The following PCDHGB1 variants were observed in gnomAD, a reference collection of about 807,000 sequenced individuals.
The protein encoded by PCDHGB1 is protocadherin gamma-B1.
PCDHGB1 carries 34 observed loss-of-function variants against 56.6 expected under a neutral mutation model. That is an observed-to-expected ratio of 0.60 (90% CI 0.46 to 0.80). The LOEUF (loss-of-function observed/expected upper bound fraction) is 0.80, where lower values mean the gene tolerates loss of function less well. PCDHGB1 is among the 30% of genes least tolerant of loss of function. PCDHGB1 has a pLI of 0.00. For synonymous variants in PCDHGB1, 561 were observed against 505.9 expected, an observed-to-expected ratio of 1.11 and a Z score of -1.46; for missense variants, 1,278 against 1,204.6, an observed-to-expected ratio of 1.06 and a Z score of -0.90.
In PCDHGB1 at chr5:141,395,061, C is replaced by G. The variant is rs751602382; in HGVS notation, c.2409+42392C>G. 1.5e-5 allele frequency: 25 copies of G among 1,614,158 alleles called. No individual in the cohort carries two copies. In the African/African-American group the frequency reaches 3.2e-4, roughly 21 times the overall value. On this transcript the variant is annotated intron_variant, in intron 1 of 3. Coordinates refer to ENST00000523390, the MANE Select transcript of PCDHGB1 (RefSeq NM_018922.3). ...GGGTGTTGAGGAGGTACAGGCTTTCCTGCAGACCTATTCCCAGGAAGTCTC... is the reference window on the plus strand; with the variant it reads ...GGGTGTTGAGGAGGTACAGGCTTTCGTGCAGACCTATTCCCAGGAAGTCTC...
intron 1 of PCDHGB1, chr5:141,383,125 G>T: frequency 6.2e-7 from 1 of 1,614,062 alleles, no homozygotes. Context: ...GCAGCTTTTC[G>T]CCCTGAACCA....
intron 1 of PCDHGB1, chr5:141,364,981 C>A (rs756594174): frequency 7.2e-5 from 116 of 1,613,766 alleles, no homozygotes; most frequent in Non-Finnish European, 8.6e-5. Context: ...CTTTAGATGG[C>A]GGAGACCCGG....
intron 1 of PCDHGB1, chr5:141,403,277 C>G (rs2094385466): frequency 6.2e-7 from 1 of 1,613,750 alleles, no homozygotes; most frequent in Admixed American, 1.7e-5. Context: ...CTTTAAAGTC[C>G]TGGTTGAAGA....
intron 1 of PCDHGB1, among the ~76,000 whole-genome samples, chr5:141,359,015 T>A (rs1389251705): frequency 6.6e-6 from 1 of 152,256 alleles, no homozygotes; most frequent in African/African-American, 2.4e-5. Flanking sequence ...TTAGTGTAAT[T>A]TGATAACTGG....
intron 1 of PCDHGB1, 50 bp downstream of exon 1, chr5:141,352,719 G>T (rs1302952599): frequency 1.3e-6 from 2 of 1,536,882 alleles, no homozygotes; most frequent in Non-Finnish European, 1.8e-6. Context: ...GCCGGGCGCG[G>T]TGGCTCAAGC....
At chr5:141,354,835 T>A (rs1222871147) in intron 1 of PCDHGB1, among the ~76,000 whole-genome samples, 1 of 152,226 alleles carries the variant, frequency 6.6e-6, no homozygotes, top group Non-Finnish European at 1.5e-5. Context: ...AAGACTTGGA[T>A]CATTCTTGAA....
intron 1 of PCDHGB1, chr5:141,397,972 G>T: frequency 2.6e-6 from 3 of 1,155,564 alleles, no homozygotes; most frequent in Non-Finnish European, 3.6e-6. Flanking sequence ...ACTCCCCAGC[G>T]CCGGCCTTTA....
Position 141,491,755 on chromosome 5 carries a change from G to A in PCDHGB1, c.2410-3052G>A. On this transcript the variant is annotated intron_variant, in intron 1 of 3. Transcript: ENST00000523390. This position sits in a 1 kb window ranked among gnomAD's most constrained non-coding sequence, Gnocchi z 6.9. Reference sequence around the variant, plus strand: ...CCCTGGGGGCGGCACTGGAGAAGCCGCCCGTCCTCATAAGGGATTGAACTT... The same window carrying A: ...CCCTGGGGGCGGCACTGGAGAAGCCACCCGTCCTCATAAGGGATTGAACTT... 6 of 1,582,196 alleles carry A rather than the reference G, an allele frequency of 3.8e-6. No individual in the cohort carries two copies. The highest frequency in any genetic ancestry group is 5.1e-6 in the Non-Finnish European group (6 of 1,165,450).
rs779462820 is a variant in PCDHGB1, at chr5:141,374,112, G to A, written c.2409+21443G>A. ...GCGCCTCCGCAGAGGCATCCGCAGC[G>A]CAGCGAGCAGGTCCTGCTCCTCACG... On this transcript the variant is annotated intron_variant, in intron 1 of 3. Coordinates refer to ENST00000523390, the MANE Select transcript of PCDHGB1 (RefSeq NM_018922.3). The A allele has an allele frequency of 5.1e-6, 8 of 1,578,426 alleles. No homozygotes were observed. The African/African-American group carries it at 9.5e-5, about 19-fold the overall frequency.
intron 1 of PCDHGB1, chr5:141,378,543 A>G (rs1328752937): frequency 6.6e-6 from 1 of 152,122 alleles, no homozygotes; most frequent in East Asian, 1.9e-4. Context: ...AATGATAATT[A>G]ATAAATAAAG....
intron 1 of PCDHGB1, chr5:141,403,939 G>C: frequency 6.2e-7 from 1 of 1,613,852 alleles, no homozygotes; most frequent in Non-Finnish European, 8.5e-7. Context: ...GATTGAAAGG[G>C]TGGACAAAAG....
At chr5:141,392,273 GC>G (rs1371015127) in intron 1 of PCDHGB1, 1 of 152,178 alleles carries the variant, frequency 6.6e-6, no homozygotes, top group Non-Finnish European at 1.5e-5. Flanking sequence ...TTACAATAAA[GC>G]TTAGAGCACA....
At chr5:141,481,913 CA>C (rs34114744) in intron 1 of PCDHGB1, among the ~76,000 whole-genome samples, 39,195 of 90,872 alleles carry the variant, frequency 0.43, 5,902 homozygotes, top group Admixed American at 0.51. Flanking sequence ...AACTCCATCT[CA>C]AAAAAAAAAA....
chr5:141,497,957 A>G (rs2099780682), intron 2 of PCDHGB1, among the ~76,000 whole-genome samples: 1 of 152,242 alleles, frequency 6.6e-6, no homozygotes, highest in Non-Finnish European at 1.5e-5. Flanking sequence ...TCTGTTGGCC[A>G]GGCAGTGTTC....
rs754225999 is a variant in PCDHGB1, at chr5:141,489,509, T to C, written c.2410-5298T>C. The C allele has an allele frequency of 1.2e-6, 2 of 1,614,062 alleles. No homozygotes were observed. The highest frequency in any genetic ancestry group is 1.1e-5 in the South Asian group (1 of 91,074). On this transcript the variant is annotated intron_variant, in intron 1 of 3. Coordinates refer to ENST00000523390, the MANE Select transcript of PCDHGB1 (RefSeq NM_018922.3). The surrounding 1 kb of genome is among the most constrained non-coding windows in gnomAD (Gnocchi z 4.5). ...GGTGCCCTGGCAGTGAATCAAAAGA[T>C]TGACCGAGAAAGCCTATGTGGAGCC...
chr5:141,410,320 C>T (rs752279818), intron 1 of PCDHGB1: 54 of 1,613,880 alleles, frequency 3.3e-5, no homozygotes, highest in Non-Finnish European at 4.5e-5. Context: ...TCCTCCTCGC[C>T]GTGATTCTGG....
rs764436152 is a variant in PCDHGB1 at position 141,350,611 on chromosome 5, T to G, written c.351T>G (p.Val117=). 6.2e-7 allele frequency: 1 copy of G among 1,613,920 alleles called. No homozygotes were observed. The highest frequency in any genetic ancestry group is 8.5e-7 in the Non-Finnish European group (1 of 1,179,900). ...AENPMNVFHV[V]VVIQDINDNA... Reference sequence around the variant, plus strand: ...ACCCAATGAATGTTTTCCACGTGGTTGTTGTAATCCAAGATATTAATGACA... The same window carrying G: ...ACCCAATGAATGTTTTCCACGTGGTGGTTGTAATCCAAGATATTAATGACA... Residue 117 remains valine, a synonymous_variant, in exon 1 of 4, where the codon GTT becomes GTG. Transcript: ENST00000523390.
At chr5:141,467,597 A>T (rs2099147099) in intron 1 of PCDHGB1, among the ~76,000 whole-genome samples, 1 of 152,136 alleles carries the variant, frequency 6.6e-6, no homozygotes, top group Non-Finnish European at 1.5e-5. Flanking sequence ...TTTATTAAGC[A>T]CTTCATCTTT....
At position 141,489,662 on chromosome 5, in the gene PCDHGB1, G is replaced by A. The variant is rs2233601; in HGVS notation, c.2410-5145G>A. On this transcript the variant is annotated intron_variant, in intron 1 of 3. Coordinates refer to ENST00000523390, the MANE Select transcript of PCDHGB1 (RefSeq NM_018922.3). This position sits in a 1 kb window ranked among gnomAD's most constrained non-coding sequence, Gnocchi z 4.5. ...TTTGCCACCCCTGAGCGAGAGATGC[G>A]CATCTCAGAATCAGCAGCATCTGGG... The A allele has an allele frequency of 4.0e-4, 649 of 1,614,144 alleles. 2 individuals are homozygous for A. The highest frequency in any genetic ancestry group is 1.5e-3 in the Middle Eastern group (9 of 6,062).
Sources: allele counts gnomAD v4.1 joint callset (sites outside exome capture counted in the v4.1 genomes callset), GRCh38; gene constraint gnomAD v4.1.1; non-coding constraint Gnocchi (gnomAD v3.1); transcripts MANE v1.5; gene names NCBI Gene and HGNC (gene_info 2026-07-23, HGNC 2026-07-21).